The following EGFLAM variants were observed in gnomAD, a reference collection of about 807,000 sequenced individuals.
The protein encoded by EGFLAM is pikachurin.
EGFLAM carries 79 observed loss-of-function variants against 113.1 expected under a neutral mutation model. That is an observed-to-expected ratio of 0.70 (90% CI 0.58 to 0.84). The LOEUF (loss-of-function observed/expected upper bound fraction) is 0.84, where lower values mean the gene tolerates loss of function less well. Among genes scored for constraint, EGFLAM ranks in the 40% least tolerant of loss-of-function variants. EGFLAM has a pLI of 0.00. For synonymous variants in EGFLAM, 504 were observed against 487.6 expected (o/e 1.03, Z -0.44); for missense variants, 1,265 against 1,291.6 (o/e 0.98, Z 0.32).
In EGFLAM at chr5:38,464,177, C is replaced by G; in HGVS notation, c.*191C>G. On this transcript the variant is annotated 3_prime_UTR_variant, in exon 22 of 22. Transcript: ENST00000322350. ...CTGGGTGGCCTTTCCTGCTGACACTCCACGAGCTGACCCAGCAGAATTCTC... is the reference window on the plus strand; with the variant it reads ...CTGGGTGGCCTTTCCTGCTGACACTGCACGAGCTGACCCAGCAGAATTCTC... 1 of 659,182 alleles carries G rather than the reference C, an allele frequency of 1.5e-6. No individual in the cohort carries two copies. Among genetic ancestry groups the G allele is most frequent in the Non-Finnish European group, 2.5e-6 (1 of 398,806 alleles). The allele number at this position is 659,182 out of a possible 1,614,324, so 40.8% of individuals were successfully genotyped here. A position where few individuals can be genotyped will look rare whatever the true frequency, so the allele number is the denominator to read the frequency against.
chr5:38,349,057 T>G (rs1739548815), intron 3 of EGFLAM, among the ~76,000 whole-genome samples: 3 of 152,202 alleles, frequency 2.0e-5, no homozygotes, highest in Admixed American at 6.5e-5. Context: ...TAAGTATTCA[T>G]TAATTATTTG....
chr5:38,428,162 A>T (rs1047406736), intron 14 of EGFLAM, among the ~76,000 whole-genome samples: 2 of 152,212 alleles, frequency 1.3e-5, no homozygotes, highest in Non-Finnish European at 2.9e-5. Context: ...ACAGGGTATC[A>T]GTTAGTCTGT....
At chr5:38,412,246 G>GA (rs1176433950) in intron 10 of EGFLAM, among the ~76,000 whole-genome samples, 4 of 152,262 alleles carry the variant, frequency 2.6e-5, no homozygotes, top group Non-Finnish European at 5.9e-5. Flanking sequence ...CTAAGTTGCA[G>GA]AAAAAATCAG....
chr5:38,394,092 T>C (rs1424634662), intron 6 of EGFLAM, among the ~76,000 whole-genome samples: 1 of 151,994 alleles, frequency 6.6e-6, no homozygotes, highest in Non-Finnish European at 1.5e-5. Context: ...CATCTATTTG[T>C]AGTCTCCAGC....
chr5:38,427,166 A>G lies in EGFLAM; in HGVS notation c.1968A>G (p.Thr656=). 6.2e-7 allele frequency: 1 copy of G among 1,614,200 alleles called. No individual in the cohort carries two copies. Among genetic ancestry groups the G allele is most frequent in the Non-Finnish European group, 8.5e-7 (1 of 1,180,036 alleles). The change falls in exon 14 of 22, where the codon ACA becomes ACG. Residue 656 remains threonine, a synonymous_variant. Coordinates refer to ENST00000322350, the MANE Select transcript of EGFLAM (RefSeq NM_152403.4). ...GTGTCCTCCTGTACAGCTATGACAC[A>G]GGCAGCAAAGACTTCCTGTCCATCA... ...GDGVLLYSYD[T]GSKDFLSINL...
At chr5:38,354,560 C>A (rs1411306193) in intron 5 of EGFLAM, among the ~76,000 whole-genome samples, 1 of 152,126 alleles carries the variant, frequency 6.6e-6, no homozygotes, top group East Asian at 1.9e-4. Context: ...GAAACCCCAT[C>A]TCTACTAAAA....
intron 6 of EGFLAM, among the ~76,000 whole-genome samples, chr5:38,394,024 A>G (rs1223412236): frequency 6.6e-6 from 1 of 152,132 alleles, no homozygotes; most frequent in Non-Finnish European, 1.5e-5. Context: ...AAGCCCAGCC[A>G]TCTCCGGCTA....
At chr5:38,442,364 CATAAT>C (rs1316498685) in intron 17 of EGFLAM, among the ~76,000 whole-genome samples, 1 of 146,246 alleles carries the variant, frequency 6.8e-6, no homozygotes, top group African/African-American at 2.5e-5. Context: ...ATTATATTAA[CATAAT>C]ATGTTAATAT....
intron 6 of EGFLAM, among the ~76,000 whole-genome samples, chr5:38,392,844 C>T (rs1011661014): frequency 6.6e-6 from 1 of 152,166 alleles, no homozygotes; most frequent in African/African-American, 2.4e-5. Context: ...TCCCCCTACC[C>T]CACGACAGGC....
chr5:38,275,244 A>G (rs1395373499), intron 1 of EGFLAM, among the ~76,000 whole-genome samples: 1 of 152,192 alleles, frequency 6.6e-6, no homozygotes, highest in East Asian at 1.9e-4. Context: ...TACTTTGAAT[A>G]TAAATTGATC....
intron 12 of EGFLAM, among the ~76,000 whole-genome samples, chr5:38,419,237 C>T (rs1188911679): frequency 2.6e-5 from 4 of 152,184 alleles, no homozygotes; most frequent in African/African-American, 7.2e-5. Context: ...TCTCCAAATA[C>T]AGGGAATTAG....
At chr5:38,260,626 A>G (rs935585741) in intron 1 of EGFLAM, among the ~76,000 whole-genome samples, 3 of 152,226 alleles carry the variant, frequency 2.0e-5, no homozygotes, top group African/African-American at 7.2e-5. Context: ...TGGCATATTA[A>G]TTACATCAAA....
At chr5:38,420,742 G>A (rs770779303) in intron 12 of EGFLAM, among the ~76,000 whole-genome samples, 1 of 152,176 alleles carries the variant, frequency 6.6e-6, no homozygotes, top group Non-Finnish European at 1.5e-5. Context: ...GGCAACCTCT[G>A]ACAGGTAGTT....
At chr5:38,365,423 G>A (rs1281588151) in intron 5 of EGFLAM, among the ~76,000 whole-genome samples, 1 of 152,182 alleles carries the variant, frequency 6.6e-6, no homozygotes, top group African/African-American at 2.4e-5. Flanking sequence ...AGGTTGAACA[G>A]GCTTCATTTG....
intron 1 of EGFLAM, among the ~76,000 whole-genome samples, chr5:38,304,868 C>T (rs1233049455): frequency 6.6e-6 from 1 of 151,974 alleles, no homozygotes; most frequent in Non-Finnish European, 1.5e-5. Context: ...TAAAATACTA[C>T]AACTGTAAAC....
chr5:38,342,436 G>T (rs1272098809), intron 3 of EGFLAM, among the ~76,000 whole-genome samples: 1 of 152,156 alleles, frequency 6.6e-6, no homozygotes, highest in Non-Finnish European at 1.5e-5. Context: ...ACCTTAAAAG[G>T]TAGATTTGGT....
chr5:38,300,665 G>A (rs796839084), intron 1 of EGFLAM, among the ~76,000 whole-genome samples: 13 of 152,238 alleles, frequency 8.5e-5, no homozygotes, highest in African/African-American at 2.4e-4. Flanking sequence ...ATGAGCCATC[G>A]CGCCCGGCCA....
In EGFLAM at chr5:38,395,943, G is replaced by A. The variant is rs553573429; in HGVS notation, c.713-10183G>A. ...AGATCATCCCCATAAGGACACAAAC[G>A]TGTGTTCTCTACTCATAGAAAAGCC... On this transcript the variant is annotated intron_variant, in intron 6 of 21. Transcript: ENST00000322350. Among the ~76,000 whole-genome samples the A allele has an allele frequency of 3.3e-5, 5 of 152,022 alleles. 1 individual carries two copies. In the South Asian group the frequency reaches 1.0e-3, roughly 32 times the overall value.
chr5:38,396,577 A>G (rs1351111704), intron 6 of EGFLAM, among the ~76,000 whole-genome samples: 1 of 152,254 alleles, frequency 6.6e-6, no homozygotes, highest in East Asian at 1.9e-4. Context: ...TGCTGTGTAC[A>G]TAGCACTGAA....
Sources: gnomAD v4.1 joint callset for allele counts (sites outside exome capture counted in the v4.1 genomes callset) on GRCh38, gnomAD v4.1.1 for gene constraint, MANE v1.5 for transcripts, NCBI Gene and HGNC (gene_info 2026-07-23, HGNC 2026-07-21) for gene names.